PITPNC1: variants seen among roughly 807,000 people sequenced by gnomAD.
PITPNC1 encodes cytoplasmic phosphatidylinositol transfer protein 1.
PITPNC1 carries 18 observed loss-of-function variants against 44.7 expected under a neutral mutation model. The ratio of observed to expected loss-of-function variants is 0.40; its 90% CI spans 0.28 to 0.60. PITPNC1 has a LOEUF of 0.60. PITPNC1 is among the 20% of genes least tolerant of loss of function. The pLI, the probability that PITPNC1 is intolerant of heterozygous loss-of-function variation, is 0.39. For synonymous variants in PITPNC1, 141 were observed against 149.6 expected (o/e 0.94, Z 0.42); for missense variants, 290 against 418.4 (o/e 0.69, Z 2.68).
At chr17:67,455,823 A>T (rs1170759146) in intron 1 of PITPNC1, among the ~76,000 whole-genome samples, 3 of 152,110 alleles carry the variant, frequency 2.0e-5, no homozygotes, top group African/African-American at 2.4e-5. Context: ...TTCCCAGATG[A>T]TGTATGGAGC....
chr17:67,520,622 G>A (rs762915041), intron 1 of PITPNC1, among the ~76,000 whole-genome samples: 6 of 152,152 alleles, frequency 3.9e-5, no homozygotes, highest in Non-Finnish European at 5.9e-5. Context: ...TACAGGGCTT[G>A]GCATACACGT....
chr17:67,494,223 CGTAG>C (rs1240027542), intron 1 of PITPNC1, among the ~76,000 whole-genome samples: 2 of 31,208 alleles, frequency 6.4e-5, no homozygotes, highest in African/African-American at 1.4e-4. Flanking sequence ...CTTTTTGAGA[CGTAG>C]TCTTGCTCTG....
chr17:67,449,855 A>T (rs964732238), intron 1 of PITPNC1, among the ~76,000 whole-genome samples: 35 of 152,240 alleles, frequency 2.3e-4, no homozygotes, highest in Non-Finnish European at 3.4e-4. Context: ...CTCAGATTTT[A>T]AAAAAATTCT....
At chr17:67,656,244 T>C (rs2042266454) in intron 6 of PITPNC1, among the ~76,000 whole-genome samples, 1 of 152,172 alleles carries the variant, frequency 6.6e-6, no homozygotes. Context: ...AGGCCGGAAG[T>C]CTGAAATCCA....
At chr17:67,386,517 C>T (rs2038056283) in intron 1 of PITPNC1, among the ~76,000 whole-genome samples, 1 of 152,176 alleles carries the variant, frequency 6.6e-6, no homozygotes, top group Admixed American at 6.5e-5. Flanking sequence ...ATAGTTTAAA[C>T]ATTCAACCTC....
intron 5 of PITPNC1, among the ~76,000 whole-genome samples, chr17:67,600,372 A>G (rs572449240): frequency 8.5e-5 from 13 of 152,334 alleles, no homozygotes; most frequent in Admixed American, 7.2e-4. Context: ...TCTACTGCCG[A>G]AGAAAATAAC....
intron 6 of PITPNC1, among the ~76,000 whole-genome samples, chr17:67,650,648 A>C (rs1001348771): frequency 2.0e-5 from 3 of 151,860 alleles, no homozygotes; most frequent in African/African-American, 7.3e-5. Context: ...ACGGGGTTTC[A>C]CCATGTTGGT....
At chr17:67,395,111 C>G (rs1276871882) in intron 1 of PITPNC1, among the ~76,000 whole-genome samples, 4 of 151,876 alleles carry the variant, frequency 2.6e-5, no homozygotes, top group Non-Finnish European at 5.9e-5. Context: ...AAAAACATCA[C>G]TGGATAGATG....
intron 5 of PITPNC1, among the ~76,000 whole-genome samples, chr17:67,627,175 C>G (rs1419878115): frequency 6.6e-6 from 1 of 152,174 alleles, no homozygotes; most frequent in Non-Finnish European, 1.5e-5. Flanking sequence ...ATCGCTTGAA[C>G]CCAGGTGGCA....
intron 1 of PITPNC1, among the ~76,000 whole-genome samples, chr17:67,412,759 T>C (rs1005125268): frequency 5.1e-4 from 77 of 150,904 alleles, no homozygotes; most frequent in African/African-American, 1.5e-3. Flanking sequence ...AGAGGCGGGG[T>C]TTCTCCATGT....
At chr17:67,503,416 C>T (rs976089944) in intron 1 of PITPNC1, among the ~76,000 whole-genome samples, 2 of 152,078 alleles carry the variant, frequency 1.3e-5, no homozygotes, top group Admixed American at 6.6e-5. Flanking sequence ...CAATAGAATC[C>T]AGTGGCCTGG....
chr17:67,434,828 G>T (rs946461587), intron 1 of PITPNC1, among the ~76,000 whole-genome samples: 1 of 149,244 alleles, frequency 6.7e-6, no homozygotes, highest in Non-Finnish European at 1.5e-5. Flanking sequence ...AAAATAAAAG[G>T]CCAGGCTAGG....
intron 6 of PITPNC1, among the ~76,000 whole-genome samples, chr17:67,663,528 A>G (rs2042378716): frequency 6.6e-6 from 1 of 151,748 alleles, no homozygotes; most frequent in Non-Finnish European, 1.5e-5. Context: ...CGAGATCGCC[A>G]CTACACTCCA....
intron 5 of PITPNC1, among the ~76,000 whole-genome samples, chr17:67,579,204 T>G (rs556504475): frequency 2.2e-4 from 34 of 152,366 alleles, no homozygotes; most frequent in Admixed American, 1.8e-3. Context: ...TCTTCTGACC[T>G]GGCTTTTACC....
intron 1 of PITPNC1, among the ~76,000 whole-genome samples, chr17:67,418,921 T>C (rs538566533): frequency 1.3e-4 from 20 of 152,246 alleles, no homozygotes; most frequent in African/African-American, 2.6e-4. Context: ...ATGAATGCGC[T>C]TGACCAGAGA....
At chr17:67,462,736 C>T (rs1481739442) in intron 1 of PITPNC1, among the ~76,000 whole-genome samples, 2 of 114,924 alleles carry the variant, frequency 1.7e-5, no homozygotes, top group Admixed American at 1.0e-4. Flanking sequence ...GAGTTTCACT[C>T]TTGTTGCCCA....
intron 1 of PITPNC1, among the ~76,000 whole-genome samples, chr17:67,454,026 A>G (rs982884026): frequency 1.3e-5 from 2 of 152,120 alleles, no homozygotes; most frequent in African/African-American, 2.4e-5. Context: ...CAAGGCGGGC[A>G]GATCGCCTGA....
intron 4 of PITPNC1, among the ~76,000 whole-genome samples, chr17:67,573,355 C>G (rs74320266): frequency 6.6e-6 from 1 of 152,112 alleles, no homozygotes; most frequent in East Asian, 1.9e-4. Context: ...AGGGTAGGAC[C>G]TGAGGGATCT....
chr17:67,510,158 T>C (rs1321556547), intron 1 of PITPNC1, among the ~76,000 whole-genome samples: 2 of 152,190 alleles, frequency 1.3e-5, no homozygotes, highest in Admixed American at 6.5e-5. Flanking sequence ...TAGACAGCCT[T>C]GGGCAACACA....
Sources: gnomAD v4.1 joint callset for allele counts (sites outside exome capture counted in the v4.1 genomes callset) on GRCh38, gnomAD v4.1.1 for gene constraint, MANE v1.5 for transcripts, NCBI Gene and HGNC (gene_info 2026-07-23, HGNC 2026-07-21) for gene names.